MEMO1: variants seen among roughly 807,000 people sequenced by gnomAD.
The protein encoded by MEMO1 is protein MEMO1.
Under a neutral mutation model 45.2 loss-of-function variants are expected in MEMO1, and 6 were observed. The observed-to-expected ratio is 0.13, with a 90% CI of 0.07 to 0.26. MEMO1 has a LOEUF of 0.26. Among genes scored for constraint, MEMO1 ranks in the 10% least tolerant of loss-of-function variants. The probability of loss-of-function intolerance (pLI) is 1.00; values close to 1 mark genes in which losing one functional copy is unlikely to be tolerated. For missense variants in MEMO1, 184 were observed against 370.5 expected, an observed-to-expected ratio of 0.50 and a Z score of 4.13; for synonymous variants, 78 against 124.3, an observed-to-expected ratio of 0.63 and a Z score of 2.48.
At chr2:31,880,725 T>C (rs1054345035) in intron 8 of MEMO1, among the ~76,000 whole-genome samples, 7 of 152,206 alleles carry the variant, frequency 4.6e-5, no homozygotes, top group East Asian at 1.9e-4. Flanking sequence ...TCAGTGGTCA[T>C]AGAGAGCAAG....
chr2:31,936,148 G>A (rs1664893566), intron 3 of MEMO1, among the ~76,000 whole-genome samples: 1 of 151,956 alleles, frequency 6.6e-6, no homozygotes, highest in Non-Finnish European at 1.5e-5. Flanking sequence ...ATTTTTAGTA[G>A]AGACGGGGTT....
intron 2 of MEMO1, among the ~76,000 whole-genome samples, chr2:31,985,482 T>C (rs376770658): frequency 1.3e-5 from 2 of 152,114 alleles, no homozygotes; most frequent in Admixed American, 6.5e-5. Context: ...AGCGCCACCA[T>C]GCCCAGCTAA....
At chr2:31,935,479 A>T (rs1277387848) in intron 3 of MEMO1, among the ~76,000 whole-genome samples, 1 of 152,160 alleles carries the variant, frequency 6.6e-6, no homozygotes, top group Non-Finnish European at 1.5e-5. Context: ...AGTAAAGACA[A>T]GACAGTTACA....
chr2:31,895,576 A>G (rs1000996681), intron 6 of MEMO1, among the ~76,000 whole-genome samples: 1 of 152,204 alleles, frequency 6.6e-6, no homozygotes, highest in Non-Finnish European at 1.5e-5. Flanking sequence ...AAATTAACCA[A>G]TCAGAACAGA....
At chr2:31,963,733 A>G (rs1465032189) in intron 2 of MEMO1, among the ~76,000 whole-genome samples, 1 of 152,200 alleles carries the variant, frequency 6.6e-6, no homozygotes, top group Non-Finnish European at 1.5e-5. Flanking sequence ...CCACACCAAG[A>G]GAGTCAGGCA....
In MEMO1 at chr2:31,905,807, C is replaced by T. The variant is rs375632067; in HGVS notation, c.437+12119G>A. ...CTGTGTAGAATCCTCATGATTCTAA[C>T]CCTTAAACATCTCCCACATCTGTTC... is the stretch of plus-strand genomic sequence containing the variant. On this transcript the variant is annotated intron_variant, in intron 6 of 9. Coordinates refer to ENST00000404530, the MANE Select transcript of MEMO1 (RefSeq NM_001301833.4). Among the ~76,000 whole-genome samples the T allele has an allele frequency of 2.6e-4, 40 of 152,182 alleles. No individual in the cohort carries two copies. In the South Asian group the frequency reaches 7.9e-3, roughly 30 times the overall value.
intron 7 of MEMO1, among the ~76,000 whole-genome samples, chr2:31,890,470 C>A (rs890526859): frequency 1.3e-5 from 2 of 152,038 alleles, no homozygotes; most frequent in Non-Finnish European, 2.9e-5. Context: ...CACAGAAAGG[C>A]ACTCCTTTTA....
At chr2:31,964,939 T>G (rs1572832891) in intron 2 of MEMO1, among the ~76,000 whole-genome samples, 2 of 152,000 alleles carry the variant, frequency 1.3e-5, no homozygotes, top group Non-Finnish European at 1.5e-5. Flanking sequence ...TGAGGCTGGG[T>G]GCAGCGGCTC....
chr2:31,899,089 T>C (rs929459413), intron 6 of MEMO1, among the ~76,000 whole-genome samples: 5 of 152,160 alleles, frequency 3.3e-5, no homozygotes, highest in Non-Finnish European at 7.3e-5. Flanking sequence ...AGAATTAATA[T>C]AGTGAAAACA....
At chr2:31,908,223 A>G (rs2148092940) in intron 6 of MEMO1, among the ~76,000 whole-genome samples, 1 of 152,128 alleles carries the variant, frequency 6.6e-6, no homozygotes, top group South Asian at 2.1e-4. Context: ...TCTCTTCCTA[A>G]CTCCAGTCCT....
At chr2:31,901,181 T>C (rs1163444379) in intron 6 of MEMO1, among the ~76,000 whole-genome samples, 1 of 151,796 alleles carries the variant, frequency 6.6e-6, no homozygotes, top group Non-Finnish European at 1.5e-5. Context: ...GAGACCAACC[T>C]GACCAACATG....
rs1392727479 is a variant in MEMO1, at chr2:31,868,478, G to A, written c.777C>T (p.Leu259=). 6.3e-7 allele frequency: 1 copy of A among 1,598,060 alleles called. No homozygotes were observed. Among genetic ancestry groups the A allele is most frequent in the Non-Finnish European group, 8.5e-7 (1 of 1,173,046 alleles). The stretch of plus-strand genomic sequence containing the variant: ...AACTCATATTCATTCCATTCTTCTG[G>A]AGCTCTGTGATAGCCTAGAAAAAAG... ...IGVLLNAITE[L]QKNGMNMSFS... Residue 259 remains leucine (L), a synonymous_variant, in exon 10 of 10, where the codon CTC becomes CTT. Transcript: ENST00000404530.
intron 6 of MEMO1, among the ~76,000 whole-genome samples, chr2:31,894,904 C>A (rs1242892227): frequency 6.6e-6 from 1 of 152,178 alleles, no homozygotes; most frequent in African/African-American, 2.4e-5. Context: ...TACAATCTCC[C>A]AGCAGAGGGT....
At chr2:31,896,988 T>A (rs1231809430) in intron 6 of MEMO1, among the ~76,000 whole-genome samples, 1 of 152,190 alleles carries the variant, frequency 6.6e-6, no homozygotes, top group Non-Finnish European at 1.5e-5. Flanking sequence ...TTTGTAGCAA[T>A]TGTGAATGGG....
At chr2:32,009,146 CT>C (rs1179202195) in intron 2 of MEMO1, among the ~76,000 whole-genome samples, 1 of 152,190 alleles carries the variant, frequency 6.6e-6, no homozygotes, top group Non-Finnish European at 1.5e-5. Flanking sequence ...AGTCCCTACA[CT>C]TTCACATAAA....
At chr2:31,905,055 G>A (rs972077951) in intron 6 of MEMO1, among the ~76,000 whole-genome samples, 9 of 152,112 alleles carry the variant, frequency 5.9e-5, no homozygotes, top group African/African-American at 2.2e-4. Flanking sequence ...GCAACATGGT[G>A]AAACCCCATC....
intron 2 of MEMO1, among the ~76,000 whole-genome samples, chr2:31,996,873 G>C (rs1332974487): frequency 6.6e-6 from 1 of 152,074 alleles, no homozygotes; most frequent in Non-Finnish European, 1.5e-5. Context: ...TAGGATTACA[G>C]GCATGAACTA....
chr2:31,961,105 C>T (rs1321261475), intron 2 of MEMO1, among the ~76,000 whole-genome samples: 2 of 152,120 alleles, frequency 1.3e-5, no homozygotes, highest in African/African-American at 4.8e-5. Flanking sequence ...GCCTGTAAAT[C>T]CCAGCACTTT....
intron 2 of MEMO1, among the ~76,000 whole-genome samples, chr2:31,953,239 C>T (rs1487607339): frequency 6.6e-6 from 1 of 151,652 alleles, no homozygotes; most frequent in East Asian, 2.0e-4. Context: ...GGTGGTCGCA[C>T]ACCTGTAATC....
Sources: gnomAD v4.1 joint callset for allele counts (sites outside exome capture counted in the v4.1 genomes callset) on GRCh38, gnomAD v4.1.1 for gene constraint, MANE v1.5 for transcripts, NCBI Gene and HGNC (gene_info 2026-07-23, HGNC 2026-07-21) for gene names.